Variants in TBC1D19 observed in about 807,000 individuals in gnomAD.
TBC1D19 encodes the protein TBC1 domain family, member 19.
Under a neutral mutation model 89.0 loss-of-function variants are expected in TBC1D19, and 60 were observed. That is an observed-to-expected ratio of 0.67 (90% CI 0.55 to 0.84). TBC1D19 has a LOEUF of 0.84. TBC1D19 is among the 40% of genes least tolerant of loss of function. TBC1D19 has a pLI of 0.00. For missense variants in TBC1D19, 500 were observed against 610.8 expected (o/e 0.82, Z 1.91); for synonymous variants, 189 against 199.7 (o/e 0.95, Z 0.45).
chr4:26,593,588 C>T (rs1450784959), intron 1 of TBC1D19, among the ~76,000 whole-genome samples: 1 of 152,174 alleles, frequency 6.6e-6, no homozygotes, highest in Non-Finnish European at 1.5e-5. Context: ...GCAATCTACT[C>T]ATCTGACAAA....
At chr4:26,669,785 T>A (rs1712129145) in intron 9 of TBC1D19, among the ~76,000 whole-genome samples, 2 of 151,800 alleles carry the variant, frequency 1.3e-5, no homozygotes, top group Admixed American at 6.6e-5. Context: ...AAATTATGAA[T>A]ATAAAACATT....
the TBC1D19 span, among the ~76,000 whole-genome samples, chr4:26,786,308 G>T: frequency 6.6e-6 from 1 of 152,172 alleles, no homozygotes; most frequent in Non-Finnish European, 1.5e-5. Context: ...AGGGACACCA[G>T]ATCCCAGTTC....
At chr4:26,685,075 T>G (rs952317108) in intron 12 of TBC1D19, among the ~76,000 whole-genome samples, 4 of 152,208 alleles carry the variant, frequency 2.6e-5, no homozygotes, top group African/African-American at 9.7e-5. Context: ...CAATCATTGG[T>G]GGCCTGGGAG....
At chr4:26,809,302 C>T in the TBC1D19 span, among the ~76,000 whole-genome samples, 2 of 152,186 alleles carry the variant, frequency 1.3e-5, no homozygotes, top group East Asian at 3.9e-4. Context: ...CTTCCTTGGC[C>T]TCTGTTTTTC....
chr4:26,813,817 C>T, the TBC1D19 span, among the ~76,000 whole-genome samples: 1 of 152,176 alleles, frequency 6.6e-6, no homozygotes, highest in African/African-American at 2.4e-5. Flanking sequence ...GGCCTCATGC[C>T]AGCAGGCTTC....
chr4:26,807,782 A>G, the TBC1D19 span, among the ~76,000 whole-genome samples: 1 of 152,192 alleles, frequency 6.6e-6, no homozygotes, highest in Non-Finnish European at 1.5e-5. Context: ...TTATTTACAG[A>G]ACATATCAGG....
chr4:26,579,001 C>T (rs920109744), intron 1 of TBC1D19, among the ~76,000 whole-genome samples: 1 of 152,306 alleles, frequency 6.6e-6, no homozygotes, highest in South Asian at 2.1e-4. Context: ...ATCTGCTACT[C>T]ATAGGCCTCA....
At chr4:26,858,392 T>C in the TBC1D19 span, 3 of 142,496 alleles carry the variant, frequency 2.1e-5, no homozygotes, top group Admixed American at 7.1e-5. Flanking sequence ...TTGAATGGGA[T>C]TTGGCGACAG....
chr4:26,732,521 G>A (rs1258743001), intron 15 of TBC1D19, among the ~76,000 whole-genome samples: 1 of 152,214 alleles, frequency 6.6e-6, no homozygotes. Context: ...CAGCACATGT[G>A]TGTGGAATGA....
chr4:26,837,668 A>G, the TBC1D19 span, among the ~76,000 whole-genome samples: 1 of 152,218 alleles, frequency 6.6e-6, no homozygotes, highest in African/African-American at 2.4e-5. Flanking sequence ...GCTACATAAC[A>G]TGATTTAGCG....
chr4:26,764,036 A>G, the TBC1D19 span, among the ~76,000 whole-genome samples: 1 of 152,298 alleles, frequency 6.6e-6, no homozygotes, highest in African/African-American at 2.4e-5. Context: ...TCAAATATGT[A>G]TGCCTGTTGT....
chr4:26,652,007 G>C (rs1460911647), intron 7 of TBC1D19, among the ~76,000 whole-genome samples: 1 of 151,954 alleles, frequency 6.6e-6, no homozygotes, highest in Admixed American at 6.6e-5. Flanking sequence ...TTATATGCTG[G>C]ATTACATTTA....
At chr4:26,830,294 T>C in the TBC1D19 span, among the ~76,000 whole-genome samples, 22 of 152,322 alleles carry the variant, frequency 1.4e-4, no homozygotes, top group African/African-American at 5.1e-4. Flanking sequence ...GAGACTCTAC[T>C]GGGTGGTTCC....
chr4:26,741,661 T>G (rs1209784035), intron 17 of TBC1D19, among the ~76,000 whole-genome samples: 2 of 151,716 alleles, frequency 1.3e-5, no homozygotes, highest in African/African-American at 2.4e-5. Context: ...GAGTAAAAAC[T>G]TACGGGCAGT....
At chr4:26,697,694 A>G (rs1714929782) in intron 13 of TBC1D19, among the ~76,000 whole-genome samples, 1 of 152,230 alleles carries the variant, frequency 6.6e-6, no homozygotes, top group Non-Finnish European at 1.5e-5. Flanking sequence ...CTGGGATGCA[A>G]GACTGGTTCA....
intron 7 of TBC1D19, among the ~76,000 whole-genome samples, chr4:26,643,735 T>C (rs1234153627): frequency 6.6e-6 from 1 of 152,110 alleles, no homozygotes; most frequent in African/African-American, 2.4e-5. Flanking sequence ...TAAAAAATGC[T>C]AAAGGGAATA....
intron 4 of TBC1D19, among the ~76,000 whole-genome samples, chr4:26,629,738 A>G (rs2110057658): frequency 6.6e-6 from 1 of 152,188 alleles, no homozygotes; most frequent in East Asian, 1.9e-4. Context: ...TAGGCATCAA[A>G]AATGTCCATT....
the TBC1D19 span, among the ~76,000 whole-genome samples, chr4:26,790,552 T>C: frequency 5.2e-5 from 7 of 133,796 alleles, no homozygotes; most frequent in East Asian, 1.4e-3. Context: ...GATGGATGCA[T>C]AAATAGATAG....
At chr4:26,651,466 C>T (rs1214080139) in intron 7 of TBC1D19, among the ~76,000 whole-genome samples, 1 of 152,098 alleles carries the variant, frequency 6.6e-6, no homozygotes, top group South Asian at 2.1e-4. Context: ...GTATTTTATT[C>T]TCTTTGTAGC....
Sources: gnomAD v4.1 joint callset for allele counts (sites outside exome capture counted in the v4.1 genomes callset) on GRCh38, gnomAD v4.1.1 for gene constraint, MANE v1.5 for transcripts, NCBI Gene and HGNC (gene_info 2026-07-23, HGNC 2026-07-21) for gene names.